Variants in ERC1 observed in about 807,000 individuals in gnomAD.
ERC1 encodes ELKS/RAB6-interacting/CAST family member 1, also known as RAB6 interacting protein 2.
ERC1 carries 56 observed loss-of-function variants against 132.0 expected under a neutral mutation model. The observed-to-expected ratio is 0.42, with a 90% CI of 0.34 to 0.53. The LOEUF is 0.53. ERC1 is among the 20% of genes least tolerant of loss of function. ERC1 has a pLI of 0.03. For missense variants in ERC1, 1,202 were observed against 1,349.9 expected (o/e 0.89, Z 1.72); for synonymous variants, 478 against 476.1 (o/e 1.00, Z -0.05).
chr12:1,269,782 G>C (rs745622245), intron 14 of ERC1, among the ~76,000 whole-genome samples: 1 of 152,138 alleles, frequency 6.6e-6, no homozygotes, highest in Admixed American at 6.5e-5. Context: ...AAATTGATCT[G>C]CTCAAAAGGC....
intron 14 of ERC1, among the ~76,000 whole-genome samples, chr12:1,271,143 A>C (rs2077820426): frequency 6.6e-6 from 1 of 151,964 alleles, no homozygotes; most frequent in South Asian, 2.1e-4. Context: ...TGAGCAGAAA[A>C]AAAGAAGTAT....
At chr12:1,240,660 G>C (rs1204766016) in intron 13 of ERC1, among the ~76,000 whole-genome samples, 1 of 151,810 alleles carries the variant, frequency 6.6e-6, no homozygotes, top group Non-Finnish European at 1.5e-5. Flanking sequence ...CATGGAGTTG[G>C]TTTCTTCTGT....
chr12:1,274,736 A>G lies in ERC1; in HGVS notation c.2619+11571A>G, dbSNP rs1311792788. 2.0e-5 allele frequency among the ~76,000 whole-genome samples: 3 copies of G among 152,072 alleles called. No homozygotes were observed. In the East Asian group the frequency reaches 5.8e-4, roughly 29 times the overall value. Reference sequence around the variant, plus strand: ...TCGAACTTCTGAACTTGTGATCCGCACACCTTGACCTCCCAAGGTGCTAGG... The same window carrying G: ...TCGAACTTCTGAACTTGTGATCCGCGCACCTTGACCTCCCAAGGTGCTAGG... On this transcript the variant is annotated intron_variant, in intron 14 of 18. Transcript: ENST00000360905.
intron 13 of ERC1, among the ~76,000 whole-genome samples, chr12:1,260,922 C>A (rs2077102478): frequency 1.3e-5 from 2 of 152,086 alleles, no homozygotes; most frequent in South Asian, 4.1e-4. Flanking sequence ...AGATTTTGAA[C>A]CAGGCTTTGT....
chr12:1,112,420 A>G (rs760987799), intron 6 of ERC1, 122 bp downstream of exon 6: 62 of 637,836 alleles, frequency 9.7e-5, no homozygotes, highest in Non-Finnish European at 1.6e-4. Flanking sequence ...GCCCATTACT[A>G]GCACTAACCA....
intron 7 of ERC1, among the ~76,000 whole-genome samples, chr12:1,129,928 G>C (rs10744536): frequency 0.89 from 134,854 of 152,114 alleles, 60,275 homozygotes; most frequent in East Asian, 1. Flanking sequence ...TACAGTAATA[G>C]TGCCGTTACA....
intron 17 of ERC1, among the ~76,000 whole-genome samples, chr12:1,435,283 T>C (rs1341701385): frequency 6.6e-6 from 1 of 151,972 alleles, no homozygotes; most frequent in African/African-American, 2.4e-5. Flanking sequence ...GTGTGTGGAG[T>C]GGAAGTAAAG....
intron 15 of ERC1, among the ~76,000 whole-genome samples, chr12:1,333,032 G>GTCCTGATCCTCA (rs2082991515): frequency 1.5e-5 from 2 of 135,344 alleles, no homozygotes; most frequent in East Asian, 2.2e-4. Flanking sequence ...CCTGATCCTC[G>GTCCTGATCCTCA]TCCTGATCCT....
chr12:1,317,408 A>T (rs2081834916), intron 15 of ERC1, among the ~76,000 whole-genome samples: 1 of 152,140 alleles, frequency 6.6e-6, no homozygotes, highest in African/African-American at 2.4e-5. Context: ...TCGGGGGATC[A>T]GGGGCTAGGA....
chr12:1,438,954 A>AAAAAATATATATATATATATATATATAT (rs1015181197), intron 17 of ERC1, among the ~76,000 whole-genome samples: 5 of 143,488 alleles, frequency 3.5e-5, no homozygotes, highest in African/African-American at 1.0e-4. Context: ...TTTAAAAAAA[A>AAAAAATATATATATATATATATATATAT]ATATATATAT....
intron 7 of ERC1, among the ~76,000 whole-genome samples, chr12:1,133,875 G>T (rs1422900333): frequency 1.3e-5 from 2 of 152,118 alleles, no homozygotes; most frequent in Non-Finnish European, 2.9e-5. Context: ...ACTTTATTCA[G>T]ATTCCATATG....
At chr12:1,167,427 C>T (rs1299932000) in intron 8 of ERC1, among the ~76,000 whole-genome samples, 1 of 152,206 alleles carries the variant, frequency 6.6e-6, no homozygotes, top group Non-Finnish European at 1.5e-5. Flanking sequence ...ATTGAAGTAA[C>T]TAACCACGTG....
intron 18 of ERC1, among the ~76,000 whole-genome samples, chr12:1,468,039 A>G (rs2093780705): frequency 6.6e-6 from 1 of 152,214 alleles, no homozygotes; most frequent in Admixed American, 6.5e-5. Context: ...GGCCTGGACC[A>G]GTACACGGAC....
chr12:1,029,485 G>A (rs766957431), intron 2 of ERC1, among the ~76,000 whole-genome samples: 1 of 152,134 alleles, frequency 6.6e-6, no homozygotes, highest in African/African-American at 2.4e-5. Context: ...TACATTTAAG[G>A]TGGAGGAAAG....
intron 8 of ERC1, among the ~76,000 whole-genome samples, chr12:1,154,412 A>G (rs1951174562): frequency 1.3e-5 from 2 of 151,656 alleles, no homozygotes; most frequent in Admixed American, 1.3e-4. Context: ...ACAAAAATTA[A>G]CCTAGGTGGA....
At chr12:1,388,990 A>G (rs2089695605) in intron 16 of ERC1, among the ~76,000 whole-genome samples, 1 of 152,172 alleles carries the variant, frequency 6.6e-6, no homozygotes, top group Non-Finnish European at 1.5e-5. Context: ...TTCCTCCTTT[A>G]GCTCTTTCAG....
At chr12:1,405,710 T>G (rs552527763) in intron 16 of ERC1, among the ~76,000 whole-genome samples, 1 of 151,816 alleles carries the variant, frequency 6.6e-6, no homozygotes, top group East Asian at 1.9e-4. Flanking sequence ...CTCAAAAAAA[T>G]TAAATAAATG....
chr12:1,475,291 A>G (rs970522258), intron 18 of ERC1, among the ~76,000 whole-genome samples: 4 of 152,230 alleles, frequency 2.6e-5, no homozygotes, highest in African/African-American at 9.6e-5. Context: ...CCCCAGAATT[A>G]ATATCTATTC....
chr12:1,131,804 A>G (rs1948793378), intron 7 of ERC1, among the ~76,000 whole-genome samples: 1 of 152,182 alleles, frequency 6.6e-6, no homozygotes, highest in East Asian at 1.9e-4. Context: ...AGGCCAAAAC[A>G]GTAGGGTAGC....
Sources: gnomAD v4.1 joint callset for allele counts (sites outside exome capture counted in the v4.1 genomes callset) on GRCh38, gnomAD v4.1.1 for gene constraint, MANE v1.5 for transcripts, NCBI Gene and HGNC (gene_info 2026-07-23, HGNC 2026-07-21) for gene names.